AKAP6: variants seen among roughly 807,000 people sequenced by gnomAD.
AKAP6 encodes A-kinase anchoring protein 6.
A neutral mutation model predicts 188.5 loss-of-function variants in AKAP6; 58 were observed. The observed-to-expected ratio is 0.31, with a 90% CI of 0.25 to 0.38. AKAP6 has a LOEUF of 0.38. Ranked by LOEUF, AKAP6 falls within the 10% of genes least tolerant of loss-of-function variation. The pLI, the probability that AKAP6 is intolerant of heterozygous loss-of-function variation, is 1.00. For missense variants in AKAP6, 2,710 were observed against 2,740.0 expected (o/e 0.99, Z 0.24); for synonymous variants, 989 against 998.6 (o/e 0.99, Z 0.18).
At chr14:32,794,483 C>T (rs1465639222) in intron 12 of AKAP6, among the ~76,000 whole-genome samples, 1 of 152,072 alleles carries the variant, frequency 6.6e-6, no homozygotes, top group Non-Finnish European at 1.5e-5. Context: ...TCTCTTGAAC[C>T]CAGGAGGCAG....
intron 9 of AKAP6, among the ~76,000 whole-genome samples, chr14:32,726,721 T>C (rs759378577): frequency 1.2e-4 from 19 of 152,252 alleles, no homozygotes; most frequent in Admixed American, 2.6e-4. Context: ...TACATTGACC[T>C]TGACACCCAC....
intron 1 of AKAP6, among the ~76,000 whole-genome samples, chr14:32,422,239 T>C (rs1395350306): frequency 6.6e-6 from 1 of 152,338 alleles, no homozygotes; most frequent in African/African-American, 2.4e-5. Flanking sequence ...AGATTTCTGA[T>C]GCCAGTTGCA....
chr14:32,765,656 G>A (rs575928837), intron 11 of AKAP6, among the ~76,000 whole-genome samples: 4 of 150,318 alleles, frequency 2.7e-5, no homozygotes, highest in South Asian at 2.1e-4. Context: ...ATGGCAGAAT[G>A]TATGTATAAT....
intron 13 of AKAP6, 25 bp downstream of exon 13, chr14:32,824,840 A>G: frequency 6.6e-7 from 1 of 1,512,774 alleles, no homozygotes; most frequent in Non-Finnish European, 8.8e-7. Flanking sequence ...CATGCCGTAT[A>G]TGTATTTAAA....
At chr14:32,529,872 T>A (rs572075527) in intron 2 of AKAP6, among the ~76,000 whole-genome samples, 189 of 152,194 alleles carry the variant, frequency 1.2e-3, no homozygotes, top group African/African-American at 4.4e-3. Context: ...ATCTGTATTT[T>A]AAAATATAAA....
intron 7 of AKAP6, among the ~76,000 whole-genome samples, chr14:32,677,166 A>G (rs921320774): frequency 6.6e-6 from 1 of 152,134 alleles, no homozygotes; most frequent in Admixed American, 6.6e-5. Context: ...TTTCCTTTAT[A>G]GAGTCCTAAT....
intron 7 of AKAP6, among the ~76,000 whole-genome samples, chr14:32,658,126 TAAG>T (rs1273803490): frequency 6.6e-6 from 1 of 152,058 alleles, no homozygotes; most frequent in Non-Finnish European, 1.5e-5. Flanking sequence ...CTGAGAAAGA[TAAG>T]AAGAGGTTAG....
intron 7 of AKAP6, among the ~76,000 whole-genome samples, chr14:32,639,351 G>A (rs1323732731): frequency 1.3e-5 from 2 of 152,106 alleles, no homozygotes; most frequent in Non-Finnish European, 2.9e-5. Context: ...GGATGCTATA[G>A]CCATCTTCAT....
chr14:32,741,057 A>T (rs2031651783), intron 11 of AKAP6, among the ~76,000 whole-genome samples: 2 of 137,458 alleles, frequency 1.5e-5, no homozygotes, highest in South Asian at 2.3e-4. Context: ...AATTTCTTTC[A>T]TCAATGTTTT....
intron 5 of AKAP6, among the ~76,000 whole-genome samples, chr14:32,595,035 C>T (rs763004994): frequency 2.0e-4 from 30 of 152,000 alleles, no homozygotes; most frequent in Admixed American, 3.9e-4. Flanking sequence ...TCCATTTTTT[C>T]TTCTATTCAC....
At chr14:32,806,368 C>T (rs2034090144) in intron 12 of AKAP6, among the ~76,000 whole-genome samples, 1 of 152,132 alleles carries the variant, frequency 6.6e-6, no homozygotes. Context: ...AGTGCTTGGG[C>T]AGTACTATGT....
At chr14:32,663,998 G>A (rs1888814771) in intron 7 of AKAP6, among the ~76,000 whole-genome samples, 1 of 151,928 alleles carries the variant, frequency 6.6e-6, no homozygotes, top group South Asian at 2.1e-4. Flanking sequence ...GCTTGGAAGA[G>A]TTTTCACTCT....
intron 5 of AKAP6, among the ~76,000 whole-genome samples, chr14:32,595,262 T>C (rs1343276714): frequency 6.6e-6 from 1 of 152,136 alleles, no homozygotes; most frequent in Admixed American, 6.5e-5. Flanking sequence ...GACTCTTTCA[T>C]GGTTCTTGGG....
At chr14:32,355,388 A>T (rs189577051) in intron 1 of AKAP6, among the ~76,000 whole-genome samples, 1 of 151,436 alleles carries the variant, frequency 6.6e-6, no homozygotes, top group East Asian at 1.9e-4. Flanking sequence ...TACTACATAA[A>T]TGTTTGTTCC....
intron 7 of AKAP6, among the ~76,000 whole-genome samples, chr14:32,648,445 A>G (rs1347150281): frequency 6.6e-6 from 1 of 151,970 alleles, no homozygotes; most frequent in Admixed American, 6.6e-5. Flanking sequence ...CTTGGTAAGC[A>G]CCTTAAGCAA....
At chr14:32,697,904 T>C (rs1411943460) in intron 9 of AKAP6, among the ~76,000 whole-genome samples, 5 of 152,144 alleles carry the variant, frequency 3.3e-5, no homozygotes, top group Non-Finnish European at 7.4e-5. Flanking sequence ...TGGGTTATAG[T>C]ATTTTTCCAA....
intron 9 of AKAP6, among the ~76,000 whole-genome samples, chr14:32,727,201 G>T (rs2139811398): frequency 6.6e-6 from 1 of 152,270 alleles, no homozygotes; most frequent in Admixed American, 6.5e-5. Flanking sequence ...CTTGACATGG[G>T]AAGGAAAGAA....
At chr14:32,595,911 G>A (rs1885680439) in intron 5 of AKAP6, among the ~76,000 whole-genome samples, 1 of 152,046 alleles carries the variant, frequency 6.6e-6, no homozygotes, top group African/African-American at 2.4e-5. Flanking sequence ...ATTGTGTATT[G>A]TTAACTTTCA....
At chr14:32,567,905 G>A (rs1182904897) in intron 4 of AKAP6, among the ~76,000 whole-genome samples, 1 of 151,938 alleles carries the variant, frequency 6.6e-6, no homozygotes, top group African/African-American at 2.4e-5. Flanking sequence ...ACTTTGAACT[G>A]TAGAAAAAAG....
Sources: allele counts gnomAD v4.1 joint callset (sites outside exome capture counted in the v4.1 genomes callset), GRCh38; gene constraint gnomAD v4.1.1; transcripts MANE v1.5; gene names NCBI Gene and HGNC (gene_info 2026-07-23, HGNC 2026-07-21).